The following ERC2 variants were observed in gnomAD, a reference collection of about 807,000 sequenced individuals.
ERC2 encodes ELKS/RAB6-interacting/CAST family member 2.
Under a neutral mutation model 114.8 loss-of-function variants are expected in ERC2, and 42 were observed. The observed-to-expected ratio is 0.37, with a 90% CI of 0.29 to 0.47. The LOEUF (loss-of-function observed/expected upper bound fraction) is 0.47, where lower values mean the gene tolerates loss of function less well. ERC2 is among the 20% of genes least tolerant of loss of function. The pLI is 0.99. For missense variants in ERC2, 939 were observed against 1,150.7 expected (o/e 0.82, Z 2.66); for synonymous variants, 454 against 425.5 (o/e 1.07, Z -0.82).
intron 17 of ERC2, among the ~76,000 whole-genome samples, chr3:55,526,689 A>AG (rs1439846440): frequency 6.6e-6 from 1 of 152,234 alleles, no homozygotes; most frequent in Non-Finnish European, 1.5e-5. Flanking sequence ...ATGAGCCAGG[A>AG]GGGACAAAAG....
At chr3:55,690,215 G>T (rs1576152460) in intron 16 of ERC2, among the ~76,000 whole-genome samples, 2 of 152,058 alleles carry the variant, frequency 1.3e-5, no homozygotes, top group Admixed American at 6.5e-5. Flanking sequence ...GTGTGTGCAG[G>T]GTATGTTTAA....
chr3:56,070,002 A>G (rs140052500), intron 7 of ERC2, among the ~76,000 whole-genome samples: 3 of 152,374 alleles, frequency 2.0e-5, no homozygotes, highest in Middle Eastern at 3.4e-3. Flanking sequence ...GTGAAGCAAT[A>G]TGCCCCACAA....
chr3:55,510,920 T>C lies in ERC2; in HGVS notation c.*396A>G, dbSNP rs898558326. On this transcript the variant is annotated 3_prime_UTR_variant, in exon 18 of 18. Transcript: ENST00000288221. ...ATCCACAGATAAAATCCCATGGAGT[T>C]CAAATTTATCCAATGATGTTTAAGT... is the stretch of plus-strand genomic sequence containing the variant. 4 of 152,180 alleles carry C rather than the reference T, an allele frequency of 2.6e-5. No homozygotes were observed. The highest frequency in any genetic ancestry group is 5.9e-5 in the Non-Finnish European group (4 of 68,040). 9.4% of individuals were successfully genotyped at this position (152,180 alleles called of 1,614,324 possible).
intron 14 of ERC2, among the ~76,000 whole-genome samples, chr3:55,883,887 C>CAAA (rs1335400664): frequency 7.9e-6 from 1 of 126,200 alleles, no homozygotes; most frequent in African/African-American, 3.8e-5. Context: ...GGCTCCGTCT[C>CAAA]AAAACAACAA....
At position 55,747,138 on chromosome 3, in the gene ERC2, G is replaced by A. The variant is rs1159751260; in HGVS notation, c.2565-12220C>T. Among the ~76,000 whole-genome samples, 4 of 152,206 alleles carry A rather than the reference G, an allele frequency of 2.6e-5. No homozygotes were observed. The East Asian group carries it at 7.7e-4, about 29-fold the overall frequency. On this transcript the variant is annotated intron_variant, in intron 14 of 17. Transcript: ENST00000288221. ...CATTACACATGGGAGAGAGATCCAT[G>A]ATTCAGGGGGAGCTAGGACATTTCA...
At chr3:55,764,900 G>C (rs2067672439) in intron 14 of ERC2, among the ~76,000 whole-genome samples, 1 of 152,144 alleles carries the variant, frequency 6.6e-6, no homozygotes, top group Non-Finnish European at 1.5e-5. Flanking sequence ...GCAGTGGTGA[G>C]GCTCATTTTT....
At chr3:55,645,666 T>C (rs1003248845) in intron 17 of ERC2, among the ~76,000 whole-genome samples, 7 of 152,188 alleles carry the variant, frequency 4.6e-5, no homozygotes, top group African/African-American at 1.4e-4. Flanking sequence ...CAGATGTACA[T>C]AGAGTTGACT....
At chr3:56,276,507 T>C (rs546091312) in intron 3 of ERC2, among the ~76,000 whole-genome samples, 2 of 146,702 alleles carry the variant, frequency 1.4e-5, no homozygotes, top group South Asian at 2.2e-4. Flanking sequence ...GGCTCTTTAA[T>C]GTCACAGCAC....
At chr3:55,615,887 C>T (rs998648459) in intron 17 of ERC2, among the ~76,000 whole-genome samples, 78 of 152,306 alleles carry the variant, frequency 5.1e-4, no homozygotes, top group African/African-American at 1.7e-3. Context: ...TATCCTCTTT[C>T]GGGTAAGAGG....
chr3:56,206,620 C>G (rs2048754270), intron 3 of ERC2, among the ~76,000 whole-genome samples: 1 of 152,164 alleles, frequency 6.6e-6, no homozygotes, highest in Non-Finnish European at 1.5e-5. Flanking sequence ...TATGAGGGTA[C>G]TATATGTGAT....
At chr3:55,814,922 G>T (rs1241299003) in intron 14 of ERC2, among the ~76,000 whole-genome samples, 3 of 152,116 alleles carry the variant, frequency 2.0e-5, no homozygotes, top group African/African-American at 7.2e-5. Flanking sequence ...CATCCTTTAA[G>T]TCTATGGTCT....
intron 13 of ERC2, among the ~76,000 whole-genome samples, chr3:55,908,542 T>C (rs1283787103): frequency 6.6e-6 from 1 of 151,952 alleles, no homozygotes; most frequent in Non-Finnish European, 1.5e-5. Flanking sequence ...CAGGGAGAGA[T>C]GTGGGCTGGG....
intron 7 of ERC2, among the ~76,000 whole-genome samples, chr3:56,059,246 A>T (rs537015603): frequency 1.3e-5 from 2 of 151,978 alleles, no homozygotes; most frequent in African/African-American, 4.8e-5. Context: ...GCCCGCCAAC[A>T]TGCCCGGCTA....
At chr3:56,035,682 A>G (rs2074749814) in intron 7 of ERC2, among the ~76,000 whole-genome samples, 1 of 152,234 alleles carries the variant, frequency 6.6e-6, no homozygotes, top group Admixed American at 6.5e-5. Context: ...AAGATACAGC[A>G]TTCAAGGTGC....
chr3:56,184,488 C>T (rs755322), intron 3 of ERC2, among the ~76,000 whole-genome samples: 35,442 of 152,008 alleles, frequency 0.23, 4,896 homozygotes, highest in Non-Finnish European at 0.3. Context: ...TGTAAAGCCC[C>T]ATGCTTCCCA....
chr3:56,031,233 T>C (rs894896587), intron 7 of ERC2, among the ~76,000 whole-genome samples: 2 of 152,126 alleles, frequency 1.3e-5, no homozygotes, highest in Admixed American at 6.5e-5. Flanking sequence ...GACAACAGGC[T>C]CATCCCTGTG....
chr3:55,666,681 G>A (rs2061367850), intron 17 of ERC2, among the ~76,000 whole-genome samples: 1 of 152,076 alleles, frequency 6.6e-6, no homozygotes, highest in Non-Finnish European at 1.5e-5. Context: ...AGTAGGTAGA[G>A]GCCAGGGACG....
chr3:56,253,293 AT>A (rs1374708675), intron 3 of ERC2, among the ~76,000 whole-genome samples: 1 of 152,228 alleles, frequency 6.6e-6, no homozygotes, highest in Non-Finnish European at 1.5e-5. Context: ...GCTATATGAT[AT>A]TCTATCACTG....
rs558973646 is a variant in ERC2 at position 56,254,550 on chromosome 3, C to T, written c.1074+41469G>A. ...CAGAACAGGATTCCCCACATACCAA[C>T]TGGCCAGCTGACACTGTTGCACATT... On this transcript the variant is annotated intron_variant, in intron 3 of 17. Transcript: ENST00000288221. 3.3e-5 allele frequency among the ~76,000 whole-genome samples: 5 copies of T among 152,360 alleles called. No individual in the cohort carries two copies. In the East Asian group the frequency reaches 9.6e-4, roughly 29 times the overall value.
Sources: allele counts gnomAD v4.1 joint callset (sites outside exome capture counted in the v4.1 genomes callset), GRCh38; gene constraint gnomAD v4.1.1; transcripts MANE v1.5; gene names NCBI Gene and HGNC (gene_info 2026-07-23, HGNC 2026-07-21).